Variants in ARHGEF3 observed in about 807,000 individuals in gnomAD.
The protein encoded by ARHGEF3 is 59.8 kDA protein.
A neutral mutation model predicts 63.2 loss-of-function variants in ARHGEF3; 28 were observed. The observed-to-expected ratio is 0.44, with a 90% CI of 0.33 to 0.61. ARHGEF3 has a LOEUF of 0.61. Among genes scored for constraint, ARHGEF3 ranks in the 20% least tolerant of loss-of-function variants. The probability of loss-of-function intolerance (pLI) is 0.03; values close to 1 mark genes in which losing one functional copy is unlikely to be tolerated. For synonymous variants in ARHGEF3, 266 were observed against 254.2 expected (o/e 1.05, Z -0.44); for missense variants, 533 against 659.3 (o/e 0.81, Z 2.10).
At chr3:56,992,433 G>A (rs1701800655) in intron 2 of ARHGEF3, among the ~76,000 whole-genome samples, 1 of 133,576 alleles carries the variant, frequency 7.5e-6, no homozygotes, top group Admixed American at 8.3e-5. Context: ...AGGTCATGTG[G>A]CCTCCAGCAT....
chr3:56,901,185 G>T (rs2041491194), intron 3 of ARHGEF3, among the ~76,000 whole-genome samples: 1 of 152,098 alleles, frequency 6.6e-6, no homozygotes, highest in South Asian at 2.1e-4. Context: ...ACCAGTGCAT[G>T]GCAAAAGAAG....
At chr3:57,006,522 T>G (rs1014424093) in intron 2 of ARHGEF3, among the ~76,000 whole-genome samples, 1 of 152,162 alleles carries the variant, frequency 6.6e-6, no homozygotes, top group Non-Finnish European at 1.5e-5. Flanking sequence ...GCCCACATGC[T>G]GACAGGCAGC....
chr3:56,788,994 A>C (rs888082199), intron 1 of ARHGEF3, among the ~76,000 whole-genome samples: 3 of 151,612 alleles, frequency 2.0e-5, no homozygotes, highest in African/African-American at 7.3e-5. Context: ...TATAGCTTCT[A>C]CTCAACTGAT....
chr3:57,067,318 G>A (rs1430129947), intron 1 of ARHGEF3, among the ~76,000 whole-genome samples: 1 of 151,752 alleles, frequency 6.6e-6, no homozygotes, highest in Non-Finnish European at 1.5e-5. Flanking sequence ...AGCCGGGCGT[G>A]GTGGCGGGCG....
intron 3 of ARHGEF3, among the ~76,000 whole-genome samples, chr3:56,885,645 T>G (rs1218912259): frequency 6.6e-6 from 1 of 152,166 alleles, no homozygotes; most frequent in East Asian, 1.9e-4. Flanking sequence ...CCAAGCCTCA[T>G]GAGTTCCCCC....
chr3:56,979,014 G>A (rs1701225131), intron 2 of ARHGEF3, among the ~76,000 whole-genome samples: 1 of 152,156 alleles, frequency 6.6e-6, no homozygotes, highest in East Asian at 1.9e-4. Context: ...AAATTAGCCG[G>A]CCATAGTGGC....
chr3:56,828,259 G>C (rs1245027037), intron 4 of ARHGEF3, among the ~76,000 whole-genome samples: 1 of 151,920 alleles, frequency 6.6e-6, no homozygotes, highest in Non-Finnish European at 1.5e-5. Context: ...TTCATGGCCG[G>C]GCACGGTGGC....
intron 4 of ARHGEF3, among the ~76,000 whole-genome samples, chr3:56,830,487 C>T (rs2038894010): frequency 6.6e-6 from 1 of 152,176 alleles, no homozygotes; most frequent in African/African-American, 2.4e-5. Flanking sequence ...TAACTGGTCT[C>T]CCTGCTGCAA....
chr3:56,813,028 T>C (rs1259166249), intron 4 of ARHGEF3, among the ~76,000 whole-genome samples: 1 of 152,208 alleles, frequency 6.6e-6, no homozygotes, highest in Non-Finnish European at 1.5e-5. Flanking sequence ...CAGTGCTGCC[T>C]GCAGGCTCAG....
At chr3:56,993,988 C>T (rs1425871887) in intron 2 of ARHGEF3, among the ~76,000 whole-genome samples, 3 of 137,866 alleles carry the variant, frequency 2.2e-5, no homozygotes, top group Non-Finnish European at 3.1e-5. Context: ...CGCTTGAACC[C>T]GGGAGGCGGA....
chr3:56,768,535 C>T (rs1559921654), intron 2 of ARHGEF3, among the ~76,000 whole-genome samples: 1 of 151,614 alleles, frequency 6.6e-6, no homozygotes. Flanking sequence ...ATACTCAGCC[C>T]ATAAAGATAA....
chr3:57,053,608 C>T (rs1704772491), intron 1 of ARHGEF3, among the ~76,000 whole-genome samples: 1 of 152,190 alleles, frequency 6.6e-6, no homozygotes, highest in Admixed American at 6.5e-5. Context: ...CAAATCAAAA[C>T]ATATAAAACA....
chr3:57,066,975 C>T (rs537942101), intron 1 of ARHGEF3, among the ~76,000 whole-genome samples: 3 of 152,108 alleles, frequency 2.0e-5, no homozygotes, highest in Non-Finnish European at 2.9e-5. Context: ...GATAGATGAG[C>T]GATTGATTGA....
chr3:56,979,396 G>A (rs1324943667), intron 2 of ARHGEF3, among the ~76,000 whole-genome samples: 5 of 152,228 alleles, frequency 3.3e-5, no homozygotes, highest in African/African-American at 1.2e-4. Context: ...TCCGTGGTAG[G>A]GCCAAGCTCG....
chr3:56,766,552 A>C (rs561499921), intron 2 of ARHGEF3, among the ~76,000 whole-genome samples: 69 of 152,338 alleles, frequency 4.5e-4, no homozygotes, highest in African/African-American at 1.6e-3. Flanking sequence ...AGCAAGTACT[A>C]ATTTTTGAGC....
At chr3:56,933,085 G>C (rs1230512664) in intron 3 of ARHGEF3, among the ~76,000 whole-genome samples, 1 of 152,130 alleles carries the variant, frequency 6.6e-6, no homozygotes, top group African/African-American at 2.4e-5. Flanking sequence ...GCAAAATAAA[G>C]TCAGAACCGA....
intron 2 of ARHGEF3, among the ~76,000 whole-genome samples, chr3:57,000,598 A>G (rs1256874747): frequency 2.0e-5 from 3 of 152,148 alleles, no homozygotes; most frequent in Admixed American, 2.0e-4. Flanking sequence ...CAGTGGCACA[A>G]TTCGGCTCAC....
At chr3:57,065,776 G>A (rs1705492259) in intron 1 of ARHGEF3, among the ~76,000 whole-genome samples, 1 of 152,126 alleles carries the variant, frequency 6.6e-6, no homozygotes, top group Admixed American at 6.5e-5. Flanking sequence ...GGAGAGGCAA[G>A]GTCATCCTCA....
At chr3:56,853,959 G>T (rs913109536) in intron 4 of ARHGEF3, among the ~76,000 whole-genome samples, 4 of 152,168 alleles carry the variant, frequency 2.6e-5, no homozygotes, top group Non-Finnish European at 5.9e-5. Flanking sequence ...ATTTTGGGAG[G>T]CCGAGGAGGG....
Sources: allele counts gnomAD v4.1 joint callset (sites outside exome capture counted in the v4.1 genomes callset), GRCh38; gene constraint gnomAD v4.1.1; transcripts MANE v1.5; gene names NCBI Gene and HGNC (gene_info 2026-07-23, HGNC 2026-07-21).